FRMD4B: variants seen among roughly 807,000 people sequenced by gnomAD.
FRMD4B encodes FERM domain containing 4B, also known as FERM domain-containing protein 4B.
A neutral mutation model predicts 141.5 loss-of-function variants in FRMD4B; 74 were observed. The ratio of observed to expected loss-of-function variants is 0.52; its 90% CI spans 0.43 to 0.63. The LOEUF is 0.63. FRMD4B is among the 30% of genes least tolerant of loss of function. The probability of loss-of-function intolerance (pLI) is 0.00; values close to 1 mark genes in which losing one functional copy is unlikely to be tolerated. For synonymous variants in FRMD4B, 506 were observed against 467.9 expected (o/e 1.08, Z -1.05); for missense variants, 1,366 against 1,253.4 (o/e 1.09, Z -1.36).
intron 2 of FRMD4B, among the ~76,000 whole-genome samples, chr3:69,414,429 C>T (rs755886908): frequency 5.3e-5 from 8 of 152,202 alleles, no homozygotes; most frequent in Non-Finnish European, 1.0e-4. Context: ...AACCATGCAT[C>T]ATGTAAGAGA....
At chr3:69,313,623 T>C (rs1303875141) in intron 1 of FRMD4B, 106 bp from the exon 2 acceptor site, 1 of 687,436 alleles carries the variant, frequency 1.5e-6, no homozygotes, top group African/African-American at 1.8e-5. Flanking sequence ...AGCCTAAAAA[T>C]GGCTTTAGTT....
At chr3:69,471,616 T>G (rs1449355804) in intron 1 of FRMD4B, 1 of 184,374 alleles carries the variant, frequency 5.4e-6, no homozygotes, top group East Asian at 1.4e-4. Flanking sequence ...TCTGTTTTCC[T>G]TTTTTCCCCC....
rs2093554970 is a variant in FRMD4B, at chr3:69,265,272, ATATAT to A, written c.502-15178_502-15174del. Among the ~76,000 whole-genome samples the A allele has an allele frequency of 2.5e-3, 40 of 16,186 alleles. 1 individual carries two copies. The highest frequency in any genetic ancestry group is 8.9e-3 in the African/African-American group (34 of 3,838). 10.6% of individuals were successfully genotyped at this position (16,186 alleles called of 152,430 possible). ...TCCATCTCAAAAAAAAAAAAAAAAT[ATATAT>A]ATATATATATATATATATATATATA... On this transcript the variant is annotated intron_variant, in intron 5 of 22. Coordinates refer to ENST00000398540, the MANE Select transcript of FRMD4B (RefSeq NM_015123.3).
At chr3:69,206,041 T>C (rs1379125103) in intron 11 of FRMD4B, among the ~76,000 whole-genome samples, 1 of 152,094 alleles carries the variant, frequency 6.6e-6, no homozygotes, top group Non-Finnish European at 1.5e-5. Flanking sequence ...AAATATGATC[T>C]CAACCTTACA....
chr3:69,233,363 A>T (rs897131438), intron 7 of FRMD4B, among the ~76,000 whole-genome samples: 3 of 151,922 alleles, frequency 2.0e-5, no homozygotes, highest in African/African-American at 7.2e-5. Flanking sequence ...ACACGCCTGT[A>T]GTCCCAGGTA....
chr3:69,267,636 TAGAGAGAGAGAGAGAGAGAGAG>T (rs55659743), intron 5 of FRMD4B, among the ~76,000 whole-genome samples: 55 of 32,978 alleles, frequency 1.7e-3, no homozygotes, highest in South Asian at 4.3e-3. Context: ...TATATATATA[TAGAGAGAGAGAGAGAGAGAGAG>T]AGAGAGAGAG....
chr3:69,368,900 ATT>A (rs1703746900), intron 1 of FRMD4B, among the ~76,000 whole-genome samples: 1 of 152,172 alleles, frequency 6.6e-6, no homozygotes, highest in African/African-American at 2.4e-5. Context: ...GGCTCAAGCA[ATT>A]CTCTCACCTC....
chr3:69,428,220 G>C (rs2106827432), intron 2 of FRMD4B, among the ~76,000 whole-genome samples: 1 of 151,504 alleles, frequency 6.6e-6, no homozygotes, highest in African/African-American at 2.4e-5. Flanking sequence ...TATAATTTTG[G>C]GGTTTGATGA....
chr3:69,414,303 G>A (rs754901900), intron 2 of FRMD4B, among the ~76,000 whole-genome samples: 2 of 152,088 alleles, frequency 1.3e-5, no homozygotes, highest in African/African-American at 4.8e-5. Context: ...AAGACTGTCC[G>A]TCAAGCAGAT....
intron 1 of FRMD4B, among the ~76,000 whole-genome samples, chr3:69,354,882 T>C (rs13320477): frequency 0.19 from 28,918 of 152,066 alleles, 2,949 homozygotes; most frequent in African/African-American, 0.25. Flanking sequence ...ATGATATCAG[T>C]AGAAAAGGTG....
In FRMD4B at chr3:69,193,943, A is replaced by G; in HGVS notation, c.1489-70T>C. On this transcript the variant is annotated intron_variant, in intron 16 of 22. Coordinates refer to ENST00000398540, the MANE Select transcript of FRMD4B (RefSeq NM_015123.3). ...TCAACTCTTACATGCATTGTGTAAT[A>G]AAACTTCCTGTGCACTTTCTTGAAT... 1.1e-5 allele frequency: 10 copies of G among 940,648 alleles called. No homozygotes were observed. In the South Asian group the frequency reaches 1.4e-4, roughly 13 times the overall value. The allele number at this position is 940,648 out of a possible 1,614,324, so 58.3% of individuals were successfully genotyped here. A position where few individuals can be genotyped will look rare whatever the true frequency, so the allele number is the denominator to read the frequency against.
intron 19 of FRMD4B, among the ~76,000 whole-genome samples, chr3:69,183,562 A>G (rs1397850351): frequency 7.2e-6 from 1 of 138,798 alleles, no homozygotes; most frequent in Non-Finnish European, 1.5e-5. Context: ...GGCTCACTGC[A>G]AGCCCCGCCT....
intron 1 of FRMD4B, among the ~76,000 whole-genome samples, chr3:69,439,804 A>G (rs145977897): frequency 7.2e-5 from 11 of 152,298 alleles, no homozygotes; most frequent in African/African-American, 2.6e-4. Context: ...TTTCATTATG[A>G]TTTTTAAACT....
chr3:69,244,597 C>T (rs559567272), intron 7 of FRMD4B, among the ~76,000 whole-genome samples: 10 of 150,568 alleles, frequency 6.6e-5, no homozygotes, highest in African/African-American at 2.0e-4. Flanking sequence ...GGCACCATTG[C>T]ACTTCAGCCT....
chr3:69,204,001 TTC>T (rs2092997507), intron 11 of FRMD4B, among the ~76,000 whole-genome samples: 1 of 152,138 alleles, frequency 6.6e-6, no homozygotes, highest in African/African-American at 2.4e-5. Flanking sequence ...GCTGCTCTAT[TTC>T]TGTTTATTTC....
chr3:69,491,346 T>A (rs1157624179), intron 1 of FRMD4B, among the ~76,000 whole-genome samples: 1 of 151,546 alleles, frequency 6.6e-6, no homozygotes, highest in Admixed American at 6.6e-5. Context: ...CCCTTCAGCA[T>A]TGAAAGACGG....
chr3:69,497,090 C>T (rs980151785), intron 1 of FRMD4B, among the ~76,000 whole-genome samples: 1 of 152,034 alleles, frequency 6.6e-6, no homozygotes, highest in African/African-American at 2.4e-5. Flanking sequence ...TGTATCCAAG[C>T]AGAAGCTTTA....
chr3:69,296,567 T>G (rs1345287408), intron 4 of FRMD4B, among the ~76,000 whole-genome samples: 2 of 152,192 alleles, frequency 1.3e-5, no homozygotes, highest in Non-Finnish European at 2.9e-5. Flanking sequence ...TGGGGTATTG[T>G]GCATTCAGAT....
intron 1 of FRMD4B, among the ~76,000 whole-genome samples, chr3:69,328,146 A>C (rs1047249898): frequency 6.6e-6 from 1 of 152,234 alleles, no homozygotes; most frequent in African/African-American, 2.4e-5. Flanking sequence ...ACGAAAGCCC[A>C]CTGTCCCATT....
Sources: gnomAD v4.1 joint callset for allele counts (sites outside exome capture counted in the v4.1 genomes callset) on GRCh38, gnomAD v4.1.1 for gene constraint, MANE v1.5 for transcripts, NCBI Gene and HGNC (gene_info 2026-07-23, HGNC 2026-07-21) for gene names.